Variants in PIGG observed in about 807,000 individuals in gnomAD.
PIGG encodes the protein phosphatidylinositol glycan anchor biosynthesis class G (EMM blood group).
A neutral mutation model predicts 83.2 loss-of-function variants in PIGG; 70 were observed. That is an observed-to-expected ratio of 0.84 (90% confidence interval 0.69 to 1.03). The LOEUF (loss-of-function observed/expected upper bound fraction) is 1.03. Ranked by LOEUF, PIGG falls within the 50% of genes least tolerant of loss-of-function variation. PIGG has a pLI of 0.00. For synonymous variants in PIGG, 532 were observed against 519.5 expected (o/e 1.02, Z -0.33); for missense variants, 1,257 against 1,233.6 (o/e 1.02, Z -0.28).
chr4:525,364 C>G lies in PIGG; in HGVS notation c.2069+1451C>G, dbSNP rs192340614. ...GCAGTGAAGACTTAGGAAACTAAAG[C>G]AAAAGAAGCAGCACAATGAGAGCAT... On this transcript the variant is annotated intron_variant, in intron 9 of 12. Transcript: ENST00000453061. The G allele has an allele frequency of 1.1e-3, 1,075 of 985,320 alleles. 6 individuals carry two copies. In the African/African-American group the frequency reaches 0.017, roughly 15 times the overall value. 61.0% of individuals were successfully genotyped at this position (985,320 alleles called of 1,614,324 possible).
chr4:535,925 T>A (rs1457596981), intron 12 of PIGG, among the ~76,000 whole-genome samples: 1 of 152,134 alleles, frequency 6.6e-6, no homozygotes, highest in African/African-American at 2.4e-5. Flanking sequence ...CAGCCCCCTG[T>A]CGACATTCCG....
Position 523,724 on chromosome 4 carries a change from G to A in PIGG, c.1880G>A (p.Gly627Asp), listed in dbSNP as rs768176283. 7.4e-6 allele frequency: 12 copies of A among 1,614,084 alleles called. No individual in the cohort carries two copies. The Admixed American group carries it at 2.0e-4, about 27-fold the overall frequency. ...GATAAWQDGP[G>D]CDVLERDKGH... ...ACAGCAGCGTGGCAGGACGGGCCTG[G>A]CTGTGATGTCCTGGAGCGAGACAAA... The change falls in exon 9 of 13, where the codon GGC (glycine) becomes GAC (aspartate). Residue 627 changes from glycine (G) to aspartate (D), a missense_variant. Physicochemically the swap from Gly to Asp is moderately conservative, Grantham distance 94 (BLOSUM62 -1). Coordinates refer to ENST00000453061, the MANE Select transcript of PIGG (RefSeq NM_001127178.3).
At position 528,615 on chromosome 4, in the gene PIGG, AG is replaced by A. The variant is rs1175262013; in HGVS notation, c.2261+1387del. ...GCGGTGTTCTGTGGAGATGTCTCAA[AG>A]GCTGTTGACTTTGGAATCTGAGACT... On this transcript the variant is annotated intron_variant, in intron 10 of 12. Coordinates refer to ENST00000453061, the MANE Select transcript of PIGG (RefSeq NM_001127178.3). This position sits in a 1 kb window ranked among gnomAD's most constrained non-coding sequence, Gnocchi z 4.8. 3.0e-6 allele frequency: 3 copies of A among 985,316 alleles called. No homozygotes were observed. Among genetic ancestry groups the A allele is most frequent in the Non-Finnish European group, 3.6e-6 (3 of 829,938 alleles). The allele number at this position is 985,316 out of a possible 1,614,324, so 61.0% of individuals were successfully genotyped here.
chr4:507,321 T>C, intron 3 of PIGG, 84 bp from the exon 4 acceptor site: 1 of 1,078,268 alleles, frequency 9.3e-7, no homozygotes, highest in Non-Finnish European at 1.4e-6. Context: ...CCCTAGATTT[T>C]AAGATGACTG....
intron 2 of PIGG, among the ~76,000 whole-genome samples, chr4:504,641 C>T (rs1718960969): frequency 6.6e-6 from 1 of 152,146 alleles, no homozygotes; most frequent in South Asian, 2.1e-4. Context: ...AAAGATGTCT[C>T]GGTAAAATTA....
At position 523,595 on chromosome 4, in the gene PIGG, C is replaced by T. The variant is rs1445086053; in HGVS notation, c.1751C>T (p.Thr584Ile). The T allele has an allele frequency of 6.2e-7, 1 of 1,614,024 alleles. No individual in the cohort carries two copies. Among genetic ancestry groups the T allele is most frequent in the East Asian group, 2.2e-5 (1 of 44,892 alleles). Residue 584 changes from threonine (T) to isoleucine (I), a missense_variant, in exon 9 of 13, where the codon ACC becomes ATC. Transcript: ENST00000453061. ...EHQTWYFLVNTLCLALSQETY... is the reference protein window; with the variant it reads ...EHQTWYFLVNILCLALSQETY... ...CAGACCTGGTACTTCCTTGTGAACA[C>T]CCTGTGTCTAGCTCTGAGCCAAGAA...
At position 509,610 on chromosome 4, in the gene PIGG, C is replaced by T. The variant is rs145393027; in HGVS notation, c.901+640C>T. ...TGCCGTCAGGCACAGCAGACGCTTTCGGGCGCTGCTCTCACTGACCCTTCA... is the reference window on the plus strand; with the variant it reads ...TGCCGTCAGGCACAGCAGACGCTTTTGGGCGCTGCTCTCACTGACCCTTCA... On this transcript the variant is annotated intron_variant, in intron 5 of 12. Coordinates refer to ENST00000453061, the MANE Select transcript of PIGG (RefSeq NM_001127178.3). 6.8e-3 allele frequency among the ~76,000 whole-genome samples: 1,043 copies of T among 152,374 alleles called. 10 individuals carry two copies. Among genetic ancestry groups the T allele is most frequent in the Middle Eastern group, 0.031 (9 of 294 alleles).
intron 2 of PIGG, among the ~76,000 whole-genome samples, chr4:504,158 G>C (rs1718769039): frequency 6.6e-6 from 1 of 152,186 alleles, no homozygotes; most frequent in African/African-American, 2.4e-5. Context: ...CCGGGAGCGT[G>C]CGGCAACTGA....
At chr4:502,278 G>C (rs972980668) in intron 2 of PIGG, 1 of 152,150 alleles carries the variant, frequency 6.6e-6, no homozygotes, top group Non-Finnish European at 1.5e-5. Context: ...CTAGTGTTTT[G>C]TTTCATTTTC....
chr4:537,416 G>C (rs1278860431), intron 12 of PIGG: 2 of 145,118 alleles, frequency 1.4e-5, no homozygotes, highest in African/African-American at 5.4e-5. Context: ...CCATGTCTAA[G>C]CCACAGCTTC....
At chr4:504,228 C>T (rs1283112105) in intron 2 of PIGG, among the ~76,000 whole-genome samples, 1 of 152,190 alleles carries the variant, frequency 6.6e-6, no homozygotes, top group Non-Finnish European at 1.5e-5. Flanking sequence ...TATCTTTAAG[C>T]CTGTCTTCCT....
intron 2 of PIGG, chr4:501,117 C>T: frequency 2.2e-6 from 1 of 456,366 alleles, no homozygotes; most frequent in South Asian, 1.5e-5. Flanking sequence ...AGCCTACTGA[C>T]AGCAGCTTTG....
chr4:500,742 T>C (rs1274313110), intron 2 of PIGG, 141 bp downstream of exon 2: 3 of 645,210 alleles, frequency 4.6e-6, no homozygotes, highest in Non-Finnish European at 5.5e-6. Context: ...CAATAGAATG[T>C]TGAAGGAGCC....
chr4:533,007 G>C (rs1365898974), intron 11 of PIGG: 1 of 151,518 alleles, frequency 6.6e-6, no homozygotes, highest in Non-Finnish European at 1.5e-5. Context: ...TGGAGAGGTA[G>C]GGCCTAGGAG....
At position 505,701 on chromosome 4, in the gene PIGG, G is replaced by C. The variant is rs782030421; in HGVS notation, c.361-17G>C. On this transcript the variant is annotated splice_polypyrimidine_tract_variant and intron_variant, in intron 2 of 12. Coordinates refer to ENST00000453061, the MANE Select transcript of PIGG (RefSeq NM_001127178.3). ...TTTTGGATTCAGTGGCCTAATTCTT[G>C]CATTTTCTGACTGCAGGCATTGATG... The C allele has an allele frequency of 6.3e-7, 1 of 1,598,780 alleles. No individual in the cohort carries two copies. Among genetic ancestry groups the C allele is most frequent in the South Asian group, 1.1e-5 (1 of 90,396 alleles).
chr4:514,003 G>T (rs1371712583), intron 5 of PIGG, among the ~76,000 whole-genome samples: 2 of 152,176 alleles, frequency 1.3e-5, no homozygotes, highest in Non-Finnish European at 2.9e-5. Context: ...AAAAGGTAAT[G>T]CAGACTCTCT....
At chr4:527,826 A>G in intron 10 of PIGG, 1 of 985,420 alleles carries the variant, frequency 1.0e-6, no homozygotes, top group African/African-American at 1.7e-5. Context: ...GTGGTGGTGA[A>G]CACAGGAGTG....
chr4:501,088 C>T (rs1553875610), intron 2 of PIGG: 1 of 456,232 alleles, frequency 2.2e-6, no homozygotes, highest in Non-Finnish European at 4.4e-6. Context: ...ACTGTTTCCA[C>T]CATATCCTTC....
In PIGG at chr4:521,229, TACG is replaced by T. The variant is rs748953729; in HGVS notation, c.1291_1293del (p.Asp431del). ...GTCCCTGAGTGCACAAGTGGCCCAG[TACG>T]ACATCTATTCGATGATGGTGGGGAC... On this transcript the variant is annotated inframe_deletion, in exon 7 of 13. Transcript: ENST00000453061. 20 of 1,614,038 alleles carry T rather than the reference TACG, an allele frequency of 1.2e-5. No individual in the cohort carries two copies. Among genetic ancestry groups the T allele is most frequent in the Non-Finnish European group, 1.6e-5 (19 of 1,179,984 alleles).
Sources: gnomAD v4.1 joint callset for allele counts (sites outside exome capture counted in the v4.1 genomes callset) on GRCh38, gnomAD v4.1.1 for gene constraint, Gnocchi (gnomAD v3.1) non-coding constraint, MANE v1.5 for transcripts, NCBI Gene and HGNC (gene_info 2026-07-23, HGNC 2026-07-21) for gene names.